Variants in IL11 observed in about 807,000 individuals in gnomAD.
IL11 encodes interleukin 11, also known as interleukin-11.
In IL11, 17 loss-of-function variants were observed where a neutral mutation model predicts 18.1. That is an observed-to-expected ratio of 0.94 (90% confidence interval 0.64 to 1.41). The LOEUF is 1.41. Among genes scored for constraint, IL11 ranks in the 40% most tolerant of loss-of-function variants. The pLI is 0.00. For synonymous variants in IL11, 144 were observed against 134.1 expected (o/e 1.07, Z -0.51); for missense variants, 309 against 262.8 (o/e 1.18, Z -1.22).
At chr19:55,370,213 G>T in intron 1 of IL11, 91 bp downstream of exon 1, 1 of 980,740 alleles carries the variant, frequency 1.0e-6, no homozygotes, top group Non-Finnish European at 1.6e-6. Flanking sequence ...CCCTCTCTGT[G>T]CGACTCAGCG....
In IL11 at chr19:55,369,412, G is replaced by A. The variant is rs955656414; in HGVS notation, c.8-471C>T. Among the ~76,000 whole-genome samples the A allele has an allele frequency of 1.3e-5, 2 of 151,366 alleles. No homozygotes were observed. The highest frequency in any genetic ancestry group is 6.6e-5 in the Admixed American group (1 of 15,256). ...AGAACCTGCCCCCTCCCCGGGCCGC[G>A]GGAGCCCGAGCTGGCTGGGAGCAGG... is the stretch of plus-strand genomic sequence containing the variant. On this transcript the variant is annotated intron_variant, in intron 1 of 4. Coordinates refer to ENST00000264563, the MANE Select transcript of IL11 (RefSeq NM_000641.4). This position sits in a 1 kb window ranked among gnomAD's most constrained non-coding sequence, Gnocchi z 6.1.
At position 55,368,227 on chromosome 19, in the gene IL11, G is replaced by A. The variant is rs757409297; in HGVS notation, c.412C>T (p.Arg138Cys). ...TLQARLDRLLRRLQLLMSRLA... is the reference protein window; with the variant it reads ...TLQARLDRLLCRLQLLMSRLA... ...GGACATACCAGGAGCTGCAGCCGGC[G>A]CAGCAGCCGGTCCAGTCGGGCCTGC... The change falls in exon 4 of 5, where the codon CGC becomes TGC. Residue 138 changes from arginine to cysteine, a missense_variant. Coordinates refer to ENST00000264563, the MANE Select transcript of IL11 (RefSeq NM_000641.4). The A allele has an allele frequency of 1.0e-4, 158 of 1,533,952 alleles. 1 individual carries two copies. The highest frequency in any genetic ancestry group is 8.6e-4 in the Middle Eastern group (4 of 4,630).
chr19:55,365,942 G>T lies in IL11; in HGVS notation c.*65C>A. On this transcript the variant is annotated 3_prime_UTR_variant, in exon 5 of 5. Transcript: ENST00000264563. ...GGATCACCTGGCTGTTTCGCCCCCA[G>T]TACTGAAATAAATAAATAAATAAGA... The T allele has an allele frequency of 6.5e-7, 1 of 1,547,542 alleles. No homozygotes were observed. Among genetic ancestry groups the T allele is most frequent in the Non-Finnish European group, 8.7e-7 (1 of 1,146,342 alleles).
Position 55,366,146 on chromosome 19 carries a change from G to C in IL11, c.461C>G (p.Pro154Arg). ...MSRLALPQPP[P>R]DPPAPPLAPP... ...CGCCAGCGGGGGCGCCGGCGGGTCC[G>C]GGGGTGGCTGGGGCAGGGCCAGGCG... The change falls in exon 5 of 5, where the codon CCG becomes CGG. Residue 154 changes from proline to arginine, a missense_variant. Physicochemically the swap from Pro to Arg is moderately radical, Grantham distance 103. Transcript: ENST00000264563. The surrounding 1 kb of genome is among the most constrained non-coding windows in gnomAD (Gnocchi z 4.6). The C allele has an allele frequency of 6.7e-7, 1 of 1,500,038 alleles. No individual in the cohort carries two copies. The highest frequency in any genetic ancestry group is 9.0e-7 in the Non-Finnish European group (1 of 1,116,002). The allele number at this position is 1,500,038 out of a possible 1,614,324, so 92.9% of individuals were successfully genotyped here.
chr19:55,368,639 C>T lies in IL11; in HGVS notation c.181-70G>A, dbSNP rs1776457419. On this transcript the variant is annotated intron_variant, in intron 2 of 4. Transcript: ENST00000264563. Reference sequence around the variant, plus strand: ...GGCTCCCTCCATCCCCCACGCCAGGCCCCCAACTCTTCCCCTCCCTCACTC... The same window carrying T: ...GGCTCCCTCCATCCCCCACGCCAGGTCCCCAACTCTTCCCCTCCCTCACTC... 20 of 1,497,122 alleles carry T rather than the reference C, an allele frequency of 1.3e-5. No homozygotes were observed. In the East Asian group the frequency reaches 2.7e-4, roughly 20 times the overall value. 92.7% of individuals were successfully genotyped at this position (1,497,122 alleles called of 1,614,324 possible).
rs2089787838 is a variant in IL11 at position 55,366,636 on chromosome 19, C to A, written c.430-459G>T. On this transcript the variant is annotated intron_variant, in intron 4 of 4. Transcript: ENST00000264563. This position sits in a 1 kb window ranked among gnomAD's most constrained non-coding sequence, Gnocchi z 4.6. The stretch of plus-strand genomic sequence containing the variant: ...GACCAGCCTGGGCAACACGGTGAAA[C>A]CCTGTGTCTACTAAAATACAAAAAA... Among the ~76,000 whole-genome samples the A allele has an allele frequency of 6.6e-6, 1 of 151,924 alleles. No individual in the cohort carries two copies. Among genetic ancestry groups the A allele is most frequent in the Non-Finnish European group, 1.5e-5 (1 of 68,012 alleles).
rs540601266 is a variant in IL11, at chr19:55,366,743, C to T, written c.430-566G>A. ...AGGAGAATCGCTTGAGCCCAGGAGG[C>T]GGAGGTTCCAGCGAGCCGAAATGGC... On this transcript the variant is annotated intron_variant, in intron 4 of 4. Coordinates refer to ENST00000264563, the MANE Select transcript of IL11 (RefSeq NM_000641.4). The surrounding 1 kb of genome is among the most constrained non-coding windows in gnomAD (Gnocchi z 4.6). Among the ~76,000 whole-genome samples the T allele has an allele frequency of 5.3e-5, 8 of 152,118 alleles. No individual in the cohort carries two copies. Among genetic ancestry groups the T allele is most frequent in the African/African-American group, 1.2e-4 (5 of 41,484 alleles).
chr19:55,370,256 T>TCCTCCCTGCCTCCCTGTCC, intron 1 of IL11, 48 bp downstream of exon 1: 1 of 1,421,386 alleles, frequency 7.0e-7, no homozygotes, highest in Non-Finnish European at 9.7e-7. Flanking sequence ...TGGGTCCCTC[T>TCCTCCCTGCCTCCCTGTCC]CCTCCCTGCC....
At position 55,365,808 on chromosome 19, in the gene IL11, C is replaced by T; in HGVS notation, c.*199G>A. ...CCTCCTCCTCGGGGACCCAGGAGTC[C>T]ACCTGCCTCCCACCCCTGCTCCTGA... On this transcript the variant is annotated 3_prime_UTR_variant, in exon 5 of 5. Coordinates refer to ENST00000264563, the MANE Select transcript of IL11 (RefSeq NM_000641.4). The T allele has an allele frequency of 2.4e-6, 2 of 825,156 alleles. No homozygotes were observed. Among genetic ancestry groups the T allele is most frequent in the Non-Finnish European group, 3.6e-6 (2 of 555,750 alleles). The allele number at this position is 825,156 out of a possible 1,614,324, so 51.1% of individuals were successfully genotyped here. A position where few individuals can be genotyped will look rare whatever the true frequency, so the allele number is the denominator to read the frequency against.
rs1419613059 is a variant in IL11 at position 55,369,835 on chromosome 19, G to A, written c.7+469C>T. Among the ~76,000 whole-genome samples the A allele has an allele frequency of 6.8e-6, 1 of 146,098 alleles. No individual in the cohort carries two copies. On this transcript the variant is annotated intron_variant, in intron 1 of 4. Transcript: ENST00000264563. The surrounding 1 kb of genome is among the most constrained non-coding windows in gnomAD (Gnocchi z 6.1). ...GCCCGGCTCTCCCCGCTTTCCCCCCGCGCCCAGTCTCTCTCCTCCCCCCGG... is the reference window on the plus strand; with the variant it reads ...GCCCGGCTCTCCCCGCTTTCCCCCCACGCCCAGTCTCTCTCCTCCCCCCGG...
In IL11 at chr19:55,369,734, C is replaced by T. The variant is rs962967912; in HGVS notation, c.7+570G>A. ...AGCCAATCAGCGCTCCCCGGCCGCC[C>T]GCGCCTCGCACACCCCCAGCCCGCC... On this transcript the variant is annotated intron_variant, in intron 1 of 4. Transcript: ENST00000264563. The surrounding 1 kb of genome is among the most constrained non-coding windows in gnomAD (Gnocchi z 6.1). 6.7e-6 allele frequency among the ~76,000 whole-genome samples: 1 copy of T among 148,334 alleles called. No individual in the cohort carries two copies. Among genetic ancestry groups the T allele is most frequent in the Non-Finnish European group, 1.5e-5 (1 of 66,588 alleles).
rs893973746 is a variant in IL11 at position 55,368,192 on chromosome 19, C to T, written c.429+18G>A. 1.3e-6 allele frequency: 2 copies of T among 1,515,402 alleles called. No homozygotes were observed. The highest frequency in any genetic ancestry group is 2.8e-5 in the African/African-American group (2 of 72,328). The allele number at this position is 1,515,402 out of a possible 1,614,324, so 93.9% of individuals were successfully genotyped here. A position where few individuals can be genotyped will look rare whatever the true frequency, so the allele number is the denominator to read the frequency against. ...GGGGTGGGGGTCTGGGGTGTCAGGTCTTGGGGCCAGGACATACCAGGAGCT... is the reference window on the plus strand; with the variant it reads ...GGGGTGGGGGTCTGGGGTGTCAGGTTTTGGGGCCAGGACATACCAGGAGCT... On this transcript the variant is annotated intron_variant, in intron 4 of 4. Transcript: ENST00000264563.
In IL11 at chr19:55,366,940, A is replaced by C. The variant is rs1351340494; in HGVS notation, c.430-763T>G. Reference sequence around the variant, plus strand: ...CCCCTGCCTTGGGATTACAGGAGTGAGCCACTGCTCCCCACCAGAGCTGGG... The same window carrying C: ...CCCCTGCCTTGGGATTACAGGAGTGCGCCACTGCTCCCCACCAGAGCTGGG... On this transcript the variant is annotated intron_variant, in intron 4 of 4. Coordinates refer to ENST00000264563, the MANE Select transcript of IL11 (RefSeq NM_000641.4). The surrounding 1 kb of genome is among the most constrained non-coding windows in gnomAD (Gnocchi z 4.6). 6.6e-6 allele frequency among the ~76,000 whole-genome samples: 1 copy of C among 152,062 alleles called. No homozygotes were observed. The highest frequency in any genetic ancestry group is 2.4e-5 in the African/African-American group (1 of 41,394).
rs2089815943 is a variant in IL11, at chr19:55,370,427, G to A, written c.-117C>T. 1.3e-6 allele frequency: 1 copy of A among 747,114 alleles called. No individual in the cohort carries two copies. Among genetic ancestry groups the A allele is most frequent in the East Asian group, 3.4e-5 (1 of 29,100 alleles). 46.3% of individuals were successfully genotyped at this position (747,114 alleles called of 1,614,324 possible). A position where few individuals can be genotyped will look rare whatever the true frequency, so the allele number is the denominator to read the frequency against. ...GTCAGCTGGGCCGCGGCCTGGGGAG[G>A]GGAGGCATGTGCCCTGAGCAGCAGG... On this transcript the variant is annotated 5_prime_UTR_variant, in exon 1 of 5. Transcript: ENST00000264563.
intron 3 of IL11, 21 bp downstream of exon 3, chr19:55,368,462 A>G (rs763006853): frequency 3.8e-6 from 6 of 1,589,118 alleles, no homozygotes; most frequent in Non-Finnish European, 4.3e-6. Flanking sequence ...CCTTGTCCCC[A>G]GCCCACTCCC....
intron 4 of IL11, among the ~76,000 whole-genome samples, chr19:55,367,080 G>A (rs917670656): frequency 2.0e-5 from 3 of 152,152 alleles, no homozygotes; most frequent in South Asian, 4.1e-4. Context: ...ACTCATGGGT[G>A]AGGGCTGGAG....
chr19:55,368,687 C>T, intron 2 of IL11, 82 bp downstream of exon 2: 1 of 1,499,434 alleles, frequency 6.7e-7, no homozygotes, highest in South Asian at 1.3e-5. Context: ...GCCCAGAACC[C>T]CTCCAAGTGG....
intron 1 of IL11, 39 bp from the exon 2 acceptor site, chr19:55,368,980 C>T (rs2089804100): frequency 5.5e-6 from 8 of 1,455,322 alleles, no homozygotes; most frequent in Non-Finnish European, 7.3e-6. Flanking sequence ...GGCTGGACTC[C>T]GGGTCTGAGA....
In IL11 at chr19:55,368,224, G is replaced by T. The variant is rs778014138; in HGVS notation, c.415C>A (p.Arg139=). The T allele has an allele frequency of 1.3e-6, 2 of 1,533,444 alleles. No individual in the cohort carries two copies. The highest frequency in any genetic ancestry group is 2.2e-4 in the Middle Eastern group (1 of 4,562). The allele number at this position is 1,533,444 out of a possible 1,614,324, so 95.0% of individuals were successfully genotyped here. A position where few individuals can be genotyped will look rare whatever the true frequency, so the allele number is the denominator to read the frequency against. The change falls in exon 4 of 5, where the codon CGG becomes AGG. Residue 139 remains arginine (R), a synonymous_variant. Coordinates refer to ENST00000264563, the MANE Select transcript of IL11 (RefSeq NM_000641.4). ...LQARLDRLLR[R]LQLLMSRLAL... is the part of the protein sequence containing the mutation. ...CCAGGACATACCAGGAGCTGCAGCC[G>T]GCGCAGCAGCCGGTCCAGTCGGGCC...
Sources: gnomAD v4.1 joint callset for allele counts (sites outside exome capture counted in the v4.1 genomes callset) on GRCh38, gnomAD v4.1.1 for gene constraint, Gnocchi (gnomAD v3.1) non-coding constraint, MANE v1.5 for transcripts, NCBI Gene and HGNC (gene_info 2026-07-23, HGNC 2026-07-21) for gene names.